LRP4: variants seen among roughly 807,000 people sequenced by gnomAD.
LRP4 encodes the protein low-density lipoprotein receptor-related protein 4.
LRP4 carries 95 observed loss-of-function variants against 220.3 expected under a neutral mutation model. The observed-to-expected ratio is 0.43, with a 90% CI of 0.37 to 0.51. The LOEUF is 0.51. LRP4 is among the 20% of genes least tolerant of loss of function. The pLI is 0.00. For missense variants in LRP4, 1,925 were observed against 2,567.0 expected (o/e 0.75, Z 5.40); for synonymous variants, 903 against 954.6 (o/e 0.95, Z 1.00).
chr11:46,889,667 C>T, intron 15 of LRP4, 134 bp from the exon 16 acceptor site: 1 of 1,230,068 alleles, frequency 8.1e-7, no homozygotes, highest in East Asian at 2.5e-5. Context: ...GACATCTGCC[C>T]CTGCTGCTAG....
chr11:46,899,975 G>C lies in LRP4; in HGVS notation c.318C>G (p.Pro106=), dbSNP rs1004824306. The C allele has an allele frequency of 6.2e-7, 1 of 1,611,344 alleles. No individual in the cohort carries two copies. The highest frequency in any genetic ancestry group is 2.2e-5 in the East Asian group (1 of 44,868). ...CEDDSDEQDC[P]PRECEEDEFP... Reference sequence around the variant, plus strand: ...ACTCGTCCTCCTCACACTCCCGGGGGGCTGTGGGCACAGAGCAGTCAGGCT... The same window carrying C: ...ACTCGTCCTCCTCACACTCCCGGGGCGCTGTGGGCACAGAGCAGTCAGGCT... Residue 106 remains proline (P), a splice_region_variant and synonymous_variant, in exon 4 of 38, where the codon CCC becomes CCG. Coordinates refer to ENST00000378623, the MANE Select transcript of LRP4 (RefSeq NM_002334.4). This position sits in a 1 kb window ranked among gnomAD's most constrained non-coding sequence, Gnocchi z 5.9.
chr11:46,865,082 T>C, intron 35 of LRP4, 37 bp downstream of exon 35: 1 of 1,531,432 alleles, frequency 6.5e-7, no homozygotes, highest in Non-Finnish European at 8.9e-7. Flanking sequence ...ATTCATTACA[T>C]CTTCTTTTCC....
intron 37 of LRP4, among the ~76,000 whole-genome samples, chr11:46,860,096 T>A (rs2134753111): frequency 6.6e-6 from 1 of 151,348 alleles, no homozygotes; most frequent in African/African-American, 2.4e-5. Flanking sequence ...TCAGCTGGGT[T>A]TGGTGGCGGG....
chr11:46,917,043 G>A (rs868129514), intron 1 of LRP4, among the ~76,000 whole-genome samples: 3 of 152,332 alleles, frequency 2.0e-5, no homozygotes, highest in Middle Eastern at 6.8e-3. Context: ...GCGGAAAAAA[G>A]CCCCTGAAAA....
At position 46,879,236 on chromosome 11, in the gene LRP4, G is replaced by C. The variant is rs919556244; in HGVS notation, c.2894C>G (p.Thr965Ser). Residue 965 changes from threonine (T) to serine (S), a missense_variant, in exon 21 of 38, where the codon ACC (threonine) becomes AGC (serine). Physicochemically the swap from Thr to Ser is moderately conservative, Grantham distance 58. Coordinates refer to ENST00000378623, the MANE Select transcript of LRP4 (RefSeq NM_002334.4). The stretch of plus-strand genomic sequence containing the variant: ...CCGGTCAGCGCTCTGTATGCTCTTG[G>C]TCTGCCAGTCAGTCCAATAGATGCG... ...GERIYWTDWQ[T>S]KSIQSADRLT... 6 of 1,614,104 alleles carry C rather than the reference G, an allele frequency of 3.7e-6. No homozygotes were observed.
chr11:46,881,442 T>C (rs1941158189), intron 20 of LRP4, among the ~76,000 whole-genome samples: 2 of 152,196 alleles, frequency 1.3e-5, no homozygotes, highest in African/African-American at 4.8e-5. Context: ...TCTGTGCATT[T>C]ACACCCCCAG....
In LRP4 at chr11:46,865,044, G is replaced by T. The variant is rs77120884; in HGVS notation, c.5155+75C>A. The T allele has an allele frequency of 3.7e-4, 469 of 1,269,744 alleles. 5 individuals are homozygous for T. In the East Asian group the frequency reaches 0.01, roughly 27 times the overall value. 78.7% of individuals were successfully genotyped at this position (1,269,744 alleles called of 1,614,324 possible). A position where few individuals can be genotyped will look rare whatever the true frequency, so the allele number is the denominator to read the frequency against. On this transcript the variant is annotated intron_variant, in intron 35 of 37. Transcript: ENST00000378623. ...CATCAACCCCAGAGTCCCAATGAAG[G>T]TTATGAAAGATATCAGTGGAGACTT... is the stretch of plus-strand genomic sequence containing the variant.
In LRP4 at chr11:46,889,620, T is replaced by C. The variant is rs1025038223; in HGVS notation, c.2093-87A>G. 1.9e-6 allele frequency: 3 copies of C among 1,564,228 alleles called. No homozygotes were observed. The African/African-American group carries it at 4.0e-5, about 21-fold the overall frequency. On this transcript the variant is annotated intron_variant, in intron 15 of 37. Coordinates refer to ENST00000378623, the MANE Select transcript of LRP4 (RefSeq NM_002334.4). ...GGGAATAGGGGTTTAGGTAGGGTGATAGTTCCCTGAAGGGAGAAACTATGT... is the reference window on the plus strand; with the variant it reads ...GGGAATAGGGGTTTAGGTAGGGTGACAGTTCCCTGAAGGGAGAAACTATGT...
chr11:46,872,681 C>T (rs958952838), intron 30 of LRP4, among the ~76,000 whole-genome samples: 6 of 151,644 alleles, frequency 4.0e-5, no homozygotes, highest in Admixed American at 3.9e-4. Context: ...GAGGTTCAGG[C>T]TGCAGAGAGC....
At chr11:46,882,042 T>G in intron 19 of LRP4, 139 bp from the exon 20 acceptor site, 1 of 781,302 alleles carries the variant, frequency 1.3e-6, no homozygotes, top group Non-Finnish European at 2.2e-6. Context: ...CCAGCCCAGC[T>G]CTGGGCTCAG....
chr11:46,874,170 T>C (rs536097590), intron 28 of LRP4: 60 of 164,350 alleles, frequency 3.7e-4, no homozygotes, highest in African/African-American at 1.3e-3. Context: ...ATGGGGAGCA[T>C]GTCACTGTCA....
intron 1 of LRP4, among the ~76,000 whole-genome samples, chr11:46,904,330 T>A (rs185865594): frequency 2.0e-5 from 3 of 152,290 alleles, no homozygotes; most frequent in Non-Finnish European, 1.5e-5. Flanking sequence ...CACATTATAA[T>A]TCCTTGGCCT....
At chr11:46,868,914 T>C (rs1342743759) in intron 32 of LRP4, 74 bp downstream of exon 32, 1 of 1,593,992 alleles carries the variant, frequency 6.3e-7, no homozygotes, top group Non-Finnish European at 8.6e-7. Context: ...ACTGTCTTGG[T>C]CCCTAACAGT....
At position 46,894,637 on chromosome 11, in the gene LRP4, T is replaced by G. The variant is rs750371073; in HGVS notation, c.1492A>C (p.Asn498His). Residue 498 changes from asparagine to histidine, a missense_variant, in exon 12 of 38, where the codon AAC becomes CAC. Physicochemically the swap from Asn to His is moderately conservative, Grantham distance 68. Around this residue, in one of 3 missense-constraint regions of LRP4, gnomAD observed 269 missense variants for 436.7 expected, o/e 0.62. Transcript: ENST00000378623. ...ACAACCTCCTCCACGTTGCTGCCGT[T>G]GAGGTTGGCACGGAGGATCCGGTCC... ...TLDRILRANL[N>H]GSNVEEVVST... 7.6e-5 allele frequency: 122 copies of G among 1,613,822 alleles called. 2 individuals are homozygous for G. The South Asian group carries it at 1.3e-3, about 17-fold the overall frequency.
intron 32 of LRP4, 101 bp from the exon 33 acceptor site, chr11:46,868,814 G>C: frequency 8.2e-7 from 1 of 1,225,342 alleles, no homozygotes. Flanking sequence ...CCTACTCCCA[G>C]GGACAGGGGA....
At chr11:46,909,639 A>G (rs1366854648) in intron 1 of LRP4, among the ~76,000 whole-genome samples, 2 of 147,422 alleles carry the variant, frequency 1.4e-5, no homozygotes. Flanking sequence ...AAAAAAAAAA[A>G]AGGAGGAATC....
chr11:46,898,061 C>CGA (rs1941581314), intron 7 of LRP4, among the ~76,000 whole-genome samples: 1 of 140,266 alleles, frequency 7.1e-6, no homozygotes, highest in African/African-American at 2.8e-5. Context: ...GCTGACCCCC[C>CGA]CACCTCCCTC....
At chr11:46,888,013 T>G (rs1451530462) in intron 16 of LRP4, among the ~76,000 whole-genome samples, 1 of 2,044 alleles carries the variant, frequency 4.9e-4, no homozygotes, top group Non-Finnish European at 1.3e-3. Context: ...AGACCCTGTC[T>G]CAAAAAAAAA....
rs920218774 is a variant in LRP4 at position 46,893,196 on chromosome 11, G to A, written c.1541-67C>T. ...AGGCCCCCATGTCCCATAGTAATAGGAGCAAACTCTTACAGGAAGCAATTT... is the reference window on the plus strand; with the variant it reads ...AGGCCCCCATGTCCCATAGTAATAGAAGCAAACTCTTACAGGAAGCAATTT... On this transcript the variant is annotated intron_variant, in intron 12 of 37. Coordinates refer to ENST00000378623, the MANE Select transcript of LRP4 (RefSeq NM_002334.4). The A allele has an allele frequency of 3.1e-6, 5 of 1,587,518 alleles. No individual in the cohort carries two copies. The South Asian group carries it at 5.6e-5, about 18-fold the overall frequency.
Sources: allele counts gnomAD v4.1 joint callset (sites outside exome capture counted in the v4.1 genomes callset), GRCh38; gene constraint gnomAD v4.1.1; regional missense constraint gnomAD v4.1.1; non-coding constraint Gnocchi (gnomAD v3.1); transcripts MANE v1.5; gene names NCBI Gene and HGNC (gene_info 2026-07-23, HGNC 2026-07-21).